Variants in PDE4D observed in about 807,000 individuals in gnomAD.
The protein encoded by PDE4D is phosphodiesterase 4D.
A neutral mutation model predicts 87.4 loss-of-function variants in PDE4D; 24 were observed. That is an observed-to-expected ratio of 0.27 (90% CI 0.20 to 0.39). PDE4D has a LOEUF of 0.39. PDE4D is among the 10% of genes least tolerant of loss of function. The pLI, the probability that PDE4D is intolerant of heterozygous loss-of-function variation, is 1.00. For missense variants in PDE4D, 714 were observed against 1,041.0 expected, an observed-to-expected ratio of 0.69 and a Z score of 4.32; for synonymous variants, 384 against 383.2, an observed-to-expected ratio of 1.00 and a Z score of -0.02.
At chr5:59,105,231 C>A (rs184592432) in intron 5 of PDE4D, among the ~76,000 whole-genome samples, 12 of 152,308 alleles carry the variant, frequency 7.9e-5, no homozygotes, top group African/African-American at 2.4e-4. Context: ...GAAACCGGGG[C>A]AGCAAAATTC....
intron 1 of PDE4D, among the ~76,000 whole-genome samples, chr5:59,574,344 A>C (rs941407909): frequency 4.0e-5 from 6 of 150,974 alleles, no homozygotes; most frequent in Non-Finnish European, 7.4e-5. Context: ...AGTTATGCAC[A>C]TATAACTTTG....
At chr5:59,162,880 C>A (rs1581137899) in intron 5 of PDE4D, among the ~76,000 whole-genome samples, 1 of 130,676 alleles carries the variant, frequency 7.7e-6, no homozygotes. Context: ...GTAATTAAAT[C>A]TTATTTTTAA....
intron 1 of PDE4D, among the ~76,000 whole-genome samples, chr5:59,234,852 G>A (rs1428452424): frequency 1.3e-5 from 2 of 152,042 alleles, no homozygotes; most frequent in Non-Finnish European, 2.9e-5. Context: ...TAGTCTTTGA[G>A]AATTACAGAG....
At position 59,762,608 on chromosome 5, in the gene PDE4D, A is replaced by ACACATATGTGTATATGTGTATATG. The variant is rs1561617472; in HGVS notation, c.455+130559_455+130560insCATATACACATATACACATATGTG. Reference sequence around the variant, plus strand: ...TACACATATGTGTATATGTGTATATAGGTACATATGTGTATATGTGTATAT... The same window carrying ACACATATGTGTATATGTGTATATG: ...TACACATATGTGTATATGTGTATATACACATATGTGTATATGTGTATATGGGTACATATGTGTATATGTGTATAT... On this transcript the variant is annotated intron_variant, in intron 1 of 14. Coordinates refer to ENST00000340635, the MANE Select transcript of PDE4D (RefSeq NM_001104631.2). 2.9e-4 allele frequency among the ~76,000 whole-genome samples: 30 copies of ACACATATGTGTATATGTGTATATG among 105,136 alleles called. 13 individuals carry two copies. The highest frequency in any genetic ancestry group is 4.7e-4 in the Non-Finnish European group (22 of 46,738). The allele number at this position is 105,136 out of a possible 152,430, so 69.0% of individuals were successfully genotyped here.
chr5:59,253,386 C>A (rs1357711834), intron 1 of PDE4D, among the ~76,000 whole-genome samples: 1 of 152,028 alleles, frequency 6.6e-6, no homozygotes, highest in African/African-American at 2.4e-5. Context: ...TAAACAAATA[C>A]TTCAGGAATA....
At chr5:59,519,781 C>T (rs146375055) in intron 1 of PDE4D, among the ~76,000 whole-genome samples, 67 of 152,174 alleles carry the variant, frequency 4.4e-4, no homozygotes, top group African/African-American at 1.5e-3. Flanking sequence ...AAGCACCAGT[C>T]GGAAAACTGG....
intron 1 of PDE4D, among the ~76,000 whole-genome samples, chr5:59,387,750 C>A (rs933774289): frequency 6.6e-6 from 1 of 152,044 alleles, no homozygotes; most frequent in Non-Finnish European, 1.5e-5. Flanking sequence ...CTAAATCAAG[C>A]TAATTAATAT....
chr5:59,221,332 G>C (rs746408973), intron 1 of PDE4D, among the ~76,000 whole-genome samples: 2 of 152,168 alleles, frequency 1.3e-5, no homozygotes, highest in Non-Finnish European at 2.9e-5. Flanking sequence ...CTAATTCTGA[G>C]ACTAAATTTT....
chr5:60,190,053 A>G (rs1194086265), intron 1 of PDE4D, among the ~76,000 whole-genome samples: 2 of 152,272 alleles, frequency 1.3e-5, no homozygotes, highest in African/African-American at 4.8e-5. Context: ...TGTGGCATGT[A>G]TAAAAAGAGA....
At chr5:60,116,980 A>AT (rs1157144047) in intron 2 of PDE4D, among the ~76,000 whole-genome samples, 2 of 151,980 alleles carry the variant, frequency 1.3e-5, no homozygotes, top group Admixed American at 1.3e-4. Flanking sequence ...CTATACTTAG[A>AT]TTTTTTCTGC....
At chr5:59,089,480 C>T (rs1295640944) in intron 5 of PDE4D, among the ~76,000 whole-genome samples, 2 of 152,060 alleles carry the variant, frequency 1.3e-5, no homozygotes, top group African/African-American at 2.4e-5. Flanking sequence ...GTTGGACAGG[C>T]ACTGCTTTAA....
intron 1 of PDE4D, among the ~76,000 whole-genome samples, chr5:59,849,928 A>G (rs1744424469): frequency 6.6e-6 from 1 of 152,032 alleles, no homozygotes; most frequent in South Asian, 2.1e-4. Flanking sequence ...TACTATACAT[A>G]TGGGCAGTTG....
chr5:59,375,419 C>T (rs1057157938), intron 1 of PDE4D, among the ~76,000 whole-genome samples: 9 of 152,014 alleles, frequency 5.9e-5, no homozygotes, highest in African/African-American at 2.2e-4. Flanking sequence ...CCTTTATGCA[C>T]ATAAACTAGA....
intron 5 of PDE4D, among the ~76,000 whole-genome samples, chr5:59,115,271 T>C (rs1773403155): frequency 6.6e-6 from 1 of 152,318 alleles, no homozygotes; most frequent in Middle Eastern, 3.4e-3. Flanking sequence ...TTATACTCAG[T>C]TGTCCAGACA....
At chr5:59,241,514 TGAGAGAATATTTGTTA>T (rs1410529917) in intron 1 of PDE4D, among the ~76,000 whole-genome samples, 10 of 152,192 alleles carry the variant, frequency 6.6e-5, no homozygotes, top group Admixed American at 3.3e-4. Flanking sequence ...CAGGTTTTAA[TGAGAGAATATTTGTTA>T]GAGAGAATAT....
intron 5 of PDE4D, among the ~76,000 whole-genome samples, chr5:59,078,900 T>A (rs1461217971): frequency 1.3e-5 from 2 of 152,132 alleles, no homozygotes; most frequent in Admixed American, 6.6e-5. Context: ...AGCAGGTTTG[T>A]TATAAAAGAG....
chr5:60,274,549 C>T (rs562706442), intron 1 of PDE4D, among the ~76,000 whole-genome samples: 7 of 152,250 alleles, frequency 4.6e-5, no homozygotes, highest in African/African-American at 1.2e-4. Context: ...TCAGTAGAGA[C>T]AGGTTTTCAC....
chr5:60,502,963 G>T (rs1583948833), intron 1 of PDE4D, among the ~76,000 whole-genome samples: 2 of 152,086 alleles, frequency 1.3e-5, no homozygotes, highest in East Asian at 3.9e-4. Flanking sequence ...GCCTCCTAAG[G>T]TTAGGAAATT....
intron 1 of PDE4D, among the ~76,000 whole-genome samples, chr5:59,709,322 CAA>C (rs772655050): frequency 2.6e-5 from 4 of 152,128 alleles, no homozygotes; most frequent in Admixed American, 1.3e-4. Context: ...TTAGCTGTAA[CAA>C]AGTCTCTGCA....
Sources: allele counts gnomAD v4.1 joint callset (sites outside exome capture counted in the v4.1 genomes callset), GRCh38; gene constraint gnomAD v4.1.1; transcripts MANE v1.5; gene names NCBI Gene and HGNC (gene_info 2026-07-23, HGNC 2026-07-21).